MCPH1: variants seen among roughly 807,000 people sequenced by gnomAD.
MCPH1 encodes the protein microcephalin.
Under a neutral mutation model 84.5 loss-of-function variants are expected in MCPH1, and 104 were observed. The ratio of observed to expected loss-of-function variants is 1.23; its 90% CI spans 1.05 to 1.45. MCPH1 has a LOEUF of 1.45. Among genes scored for constraint, MCPH1 ranks in the 40% most tolerant of loss-of-function variants. The pLI is 0.00. For missense variants in MCPH1, 1,498 were observed against 1,005.7 expected, an observed-to-expected ratio of 1.49 and a Z score of -6.62; for synonymous variants, 514 against 366.8, an observed-to-expected ratio of 1.40 and a Z score of -4.58.
At chr8:6,498,228 T>A (rs2129562054) in intron 11 of MCPH1, among the ~76,000 whole-genome samples, 1 of 152,366 alleles carries the variant, frequency 6.6e-6, no homozygotes, top group Non-Finnish European at 1.5e-5. Context: ...GCCCTTCTTA[T>A]AAGAAATATG....
chr8:6,444,738 C>T lies in MCPH1; in HGVS notation c.1016C>T (p.Thr339Ile). Residue 339 changes from threonine (T) to isoleucine (I), a missense_variant, in exon 8 of 14, where the codon ACA becomes ATA. By Grantham distance (89) the Thr-to-Ile change is moderately conservative. Transcript: ENST00000344683. ...KYRLSPTLSSTKGHLLIHSRP... is the reference protein window; with the variant it reads ...KYRLSPTLSSIKGHLLIHSRP... ...CGTTTGTCTCCTACCTTATCTTCAA[C>T]AAAAGGCCACCTTTTGATACATTCA... is the stretch of plus-strand genomic sequence containing the variant. 5 of 1,614,056 alleles carry T rather than the reference C, an allele frequency of 3.1e-6. No individual in the cohort carries two copies. Among genetic ancestry groups the T allele is most frequent in the Non-Finnish European group, 4.2e-6 (5 of 1,179,980 alleles).
chr8:6,525,270 A>G (rs1490128895), intron 12 of MCPH1, among the ~76,000 whole-genome samples: 1 of 152,124 alleles, frequency 6.6e-6, no homozygotes, highest in Non-Finnish European at 1.5e-5. Flanking sequence ...TTAGTATGTA[A>G]TTTTGGAGAG....
At position 6,481,683 on chromosome 8, in the gene MCPH1, G is replaced by A. The variant is rs17077108; in HGVS notation, c.2136+807G>A. 7.7e-3 allele frequency among the ~76,000 whole-genome samples: 1,169 copies of A among 152,274 alleles called. 17 individuals carry two copies. The highest frequency in any genetic ancestry group is 0.026 in the African/African-American group (1,084 of 41,546). On this transcript the variant is annotated intron_variant, in intron 11 of 13. Transcript: ENST00000344683. Reference sequence around the variant, plus strand: ...CAAGAATGGCCGTCGTCTTTTTTCCGTGTTGTGACAGAGGTTAAAGAGATT... The same window carrying A: ...CAAGAATGGCCGTCGTCTTTTTTCCATGTTGTGACAGAGGTTAAAGAGATT...
intron 12 of MCPH1, among the ~76,000 whole-genome samples, chr8:6,557,356 G>A (rs1017850339): frequency 6.6e-6 from 1 of 152,250 alleles, no homozygotes; most frequent in East Asian, 1.9e-4. Context: ...ATATTCTCGG[G>A]GCAAAATGAG....
At chr8:6,602,761 T>C (rs533758939) in intron 12 of MCPH1, among the ~76,000 whole-genome samples, 2 of 152,258 alleles carry the variant, frequency 1.3e-5, no homozygotes, top group Admixed American at 6.5e-5. Flanking sequence ...CTGCATATTT[T>C]ACTCTTTTTA....
At chr8:6,421,545 G>T (rs1482758985) in intron 3 of MCPH1, among the ~76,000 whole-genome samples, 1 of 147,126 alleles carries the variant, frequency 6.8e-6, no homozygotes, top group African/African-American at 2.5e-5. Flanking sequence ...ATGGTTAAGA[G>T]AAAAAAAAAA....
At chr8:6,537,286 G>C (rs1820674407) in intron 12 of MCPH1, among the ~76,000 whole-genome samples, 1 of 152,144 alleles carries the variant, frequency 6.6e-6, no homozygotes, top group African/African-American at 2.4e-5. Flanking sequence ...ATGTGTGCGA[G>C]GACAGTGTGT....
intron 12 of MCPH1, among the ~76,000 whole-genome samples, chr8:6,617,760 T>A (rs1830964110): frequency 6.6e-6 from 1 of 152,098 alleles, no homozygotes; most frequent in Non-Finnish European, 1.5e-5. Flanking sequence ...CACTGCAGCC[T>A]CAACTTCCTG....
At chr8:6,483,211 G>C (rs1399038525) in intron 11 of MCPH1, among the ~76,000 whole-genome samples, 1 of 152,134 alleles carries the variant, frequency 6.6e-6, no homozygotes, top group Non-Finnish European at 1.5e-5. Flanking sequence ...CAATGTTCAT[G>C]GATTAGAAGA....
At chr8:6,496,162 C>T (rs1352860238) in intron 11 of MCPH1, among the ~76,000 whole-genome samples, 1 of 152,158 alleles carries the variant, frequency 6.6e-6, no homozygotes, top group African/African-American at 2.4e-5. Context: ...TTTTCTGCAA[C>T]TAGACAGTCC....
At chr8:6,529,236 A>G (rs1381565333) in intron 12 of MCPH1, among the ~76,000 whole-genome samples, 2 of 152,296 alleles carry the variant, frequency 1.3e-5, no homozygotes, top group Non-Finnish European at 2.9e-5. Flanking sequence ...TTGATCTCTC[A>G]TTCCCTTTAA....
rs1049771476 is a variant in MCPH1 at position 6,564,566 on chromosome 8, C to G, written c.2215-56888C>G. Among the ~76,000 whole-genome samples, 14 of 99,336 alleles carry G rather than the reference C, an allele frequency of 1.4e-4. No homozygotes were observed. The Admixed American group carries it at 1.6e-3, about 12-fold the overall frequency. 65.2% of individuals were successfully genotyped at this position (99,336 alleles called of 152,430 possible). A position where few individuals can be genotyped will look rare whatever the true frequency, so the allele number is the denominator to read the frequency against. ...AGCCCAAGTGTACATAGGGAAAAAG[C>G]CCCCTGCCTTTGCTGCGGTTTATCT... On this transcript the variant is annotated intron_variant, in intron 12 of 13. Coordinates refer to ENST00000344683, the MANE Select transcript of MCPH1 (RefSeq NM_024596.5).
chr8:6,460,278 T>G (rs1051772087), intron 9 of MCPH1, among the ~76,000 whole-genome samples: 7 of 152,202 alleles, frequency 4.6e-5, no homozygotes, highest in Admixed American at 2.0e-4. Context: ...TTGGTTTCTT[T>G]TCCATTTCAC....
intron 12 of MCPH1, among the ~76,000 whole-genome samples, chr8:6,554,573 A>G (rs1444223231): frequency 1.3e-5 from 2 of 152,194 alleles, no homozygotes; most frequent in Non-Finnish European, 2.9e-5. Context: ...GTATATTTTT[A>G]ATTTGGTTGT....
At chr8:6,493,183 A>C (rs143093314) in intron 11 of MCPH1, among the ~76,000 whole-genome samples, 1 of 152,234 alleles carries the variant, frequency 6.6e-6, no homozygotes, top group Admixed American at 6.5e-5. Flanking sequence ...ATGTGAGTAC[A>C]GTGGTGACAT....
At chr8:6,433,744 T>C (rs955730196) in intron 4 of MCPH1, among the ~76,000 whole-genome samples, 2 of 152,088 alleles carry the variant, frequency 1.3e-5, no homozygotes, top group African/African-American at 4.8e-5. Flanking sequence ...CTTGTACACT[T>C]TACCACTTTA....
At chr8:6,615,153 A>G (rs1032308342) in intron 12 of MCPH1, among the ~76,000 whole-genome samples, 2 of 152,198 alleles carry the variant, frequency 1.3e-5, no homozygotes, top group African/African-American at 4.8e-5. Flanking sequence ...GCATTCACAC[A>G]TGCCGTGAGT....
intron 3 of MCPH1, among the ~76,000 whole-genome samples, chr8:6,418,380 C>G (rs1799623550): frequency 6.6e-6 from 1 of 152,170 alleles, no homozygotes; most frequent in Non-Finnish European, 1.5e-5. Context: ...TCAAAGCTCT[C>G]ACATAGTTGG....
intron 12 of MCPH1, among the ~76,000 whole-genome samples, chr8:6,564,765 C>G (rs913170405): frequency 6.6e-6 from 1 of 152,210 alleles, no homozygotes; most frequent in Admixed American, 6.5e-5. Flanking sequence ...CTGTGACTTT[C>G]TCATCCTCAG....
Sources: gnomAD v4.1 joint callset for allele counts (sites outside exome capture counted in the v4.1 genomes callset) on GRCh38, gnomAD v4.1.1 for gene constraint, MANE v1.5 for transcripts, NCBI Gene and HGNC (gene_info 2026-07-23, HGNC 2026-07-21) for gene names.